DRC11: variants seen among roughly 807,000 people sequenced by gnomAD.
DRC11 encodes the protein dynein regulatory complex subunit 11.
At chr2:236,384,056 A>G in the DRC11 span, among the ~76,000 whole-genome samples, 18 of 152,158 alleles carry the variant, frequency 1.2e-4, no homozygotes, top group South Asian at 2.1e-3. Flanking sequence ...TCTTAATCCA[A>G]TCTATCATTG....
the DRC11 span, among the ~76,000 whole-genome samples, chr2:236,316,740 T>G: frequency 6.6e-6 from 1 of 151,528 alleles, no homozygotes; most frequent in Non-Finnish European, 1.5e-5. This position sits in a 1 kb window ranked among gnomAD's most constrained non-coding sequence, Gnocchi z 6.8. Context: ...CACTCCAGAG[T>G]GGGGACAATG....
the DRC11 span, among the ~76,000 whole-genome samples, chr2:236,445,919 TAGA>T: frequency 6.6e-6 from 1 of 152,302 alleles, no homozygotes; most frequent in South Asian, 2.1e-4. This position sits in a 1 kb window ranked among gnomAD's most constrained non-coding sequence, Gnocchi z 4.8. Flanking sequence ...CGTGGGTGGC[TAGA>T]AGGCCTCTGT....
At chr2:236,314,402 C>A in the DRC11 span, among the ~76,000 whole-genome samples, 41 of 152,236 alleles carry the variant, frequency 2.7e-4, no homozygotes, top group African/African-American at 9.1e-4. The surrounding 1 kb of genome is among the most constrained non-coding windows in gnomAD (Gnocchi z 4.5). Context: ...CTGCTGAAGT[C>A]TGAAACAAGG....
At chr2:236,491,230 T>C in the DRC11 span, among the ~76,000 whole-genome samples, 761 of 67,146 alleles carry the variant, frequency 0.011, 68 homozygotes, top group Non-Finnish European at 0.019. Context: ...TATATATATA[T>C]ATATATATAT....
the DRC11 span, among the ~76,000 whole-genome samples, chr2:236,424,389 T>A: frequency 8.0e-4 from 121 of 152,180 alleles, 1 homozygote; most frequent in Non-Finnish European, 1.4e-3. Context: ...TTAGTTTAAA[T>A]TTTTGAGTAT....
At chr2:236,429,791 G>A in the DRC11 span, among the ~76,000 whole-genome samples, 1 of 152,170 alleles carries the variant, frequency 6.6e-6, no homozygotes, top group East Asian at 1.9e-4. The surrounding 1 kb of genome is among the most constrained non-coding windows in gnomAD (Gnocchi z 5.9). Context: ...GTGGGGGACA[G>A]GTAGGAGACT....
the DRC11 span, chr2:236,367,503 A>G: frequency 2.6e-5 from 4 of 151,736 alleles, no homozygotes; most frequent in African/African-American, 9.7e-5. The surrounding 1 kb of genome is among the most constrained non-coding windows in gnomAD (Gnocchi z 4.8). Flanking sequence ...GGTGATTTCT[A>G]TTTGAGAGTT....
chr2:236,485,206 C>G, the DRC11 span, among the ~76,000 whole-genome samples: 1 of 152,006 alleles, frequency 6.6e-6, no homozygotes, highest in East Asian at 1.9e-4. Context: ...CCTGTGGTCA[C>G]TGTATACTGT....
the DRC11 span, chr2:236,332,739 C>T: frequency 6.6e-6 from 1 of 152,170 alleles, no homozygotes. This position sits in a 1 kb window ranked among gnomAD's most constrained non-coding sequence, Gnocchi z 5.1. Flanking sequence ...AACTATGAAC[C>T]AAGCTGGAGA....
At chr2:236,375,361 C>G in the DRC11 span, among the ~76,000 whole-genome samples, 1 of 152,172 alleles carries the variant, frequency 6.6e-6, no homozygotes, top group South Asian at 2.1e-4. This position sits in a 1 kb window ranked among gnomAD's most constrained non-coding sequence, Gnocchi z 4.2. Flanking sequence ...GTGCCAGGCA[C>G]TGTACTCGGC....
the DRC11 span, among the ~76,000 whole-genome samples, chr2:236,471,650 T>A: frequency 5.9e-5 from 9 of 152,356 alleles, no homozygotes; most frequent in Non-Finnish European, 5.9e-5. This position sits in a 1 kb window ranked among gnomAD's most constrained non-coding sequence, Gnocchi z 4.6. Flanking sequence ...GACAGCAGTT[T>A]CTTTAATGCT....
the DRC11 span, among the ~76,000 whole-genome samples, chr2:236,340,301 T>G: frequency 6.6e-6 from 1 of 152,212 alleles, no homozygotes; most frequent in Non-Finnish European, 1.5e-5. Context: ...ATTTTTGTAT[T>G]TTTAATACAG....
At chr2:236,397,914 T>C in the DRC11 span, among the ~76,000 whole-genome samples, 1 of 152,246 alleles carries the variant, frequency 6.6e-6, no homozygotes, top group Non-Finnish European at 1.5e-5. This position sits in a 1 kb window ranked among gnomAD's most constrained non-coding sequence, Gnocchi z 5.0. Flanking sequence ...ATCTCTGGGC[T>C]AGCACTGCAC....
chr2:236,459,512 C>CGTATACAT, the DRC11 span, among the ~76,000 whole-genome samples: 206 of 89,862 alleles, frequency 2.3e-3, no homozygotes, highest in African/African-American at 7.5e-3. Flanking sequence ...TATACGTATA[C>CGTATACAT]GTATACATGT....
At chr2:236,445,781 G>C in the DRC11 span, among the ~76,000 whole-genome samples, 1 of 152,092 alleles carries the variant, frequency 6.6e-6, no homozygotes. This position sits in a 1 kb window ranked among gnomAD's most constrained non-coding sequence, Gnocchi z 4.8. Context: ...TATAAAATTT[G>C]TATCTAGAAA....
chr2:236,339,409 G>A, the DRC11 span, among the ~76,000 whole-genome samples: 1 of 152,140 alleles, frequency 6.6e-6, no homozygotes, highest in African/African-American at 2.4e-5. Context: ...CAGCAAAAAA[G>A]TTTTTAATTT....
chr2:236,404,086 G>T, the DRC11 span, among the ~76,000 whole-genome samples: 1 of 147,002 alleles, frequency 6.8e-6, no homozygotes, highest in African/African-American at 2.5e-5. Context: ...GAGTTCTGAT[G>T]CTCTCTTCCT....
the DRC11 span, among the ~76,000 whole-genome samples, chr2:236,364,278 C>T: frequency 5.7e-3 from 842 of 148,678 alleles, 9 homozygotes; most frequent in African/African-American, 0.02. Flanking sequence ...AGCATTCCTG[C>T]AATAGCTTAC....
At chr2:236,457,276 C>T in the DRC11 span, among the ~76,000 whole-genome samples, 103 of 151,762 alleles carry the variant, frequency 6.8e-4, no homozygotes, top group African/African-American at 2.4e-3. This position sits in a 1 kb window ranked among gnomAD's most constrained non-coding sequence, Gnocchi z 4.7. Context: ...ATTAAAAATT[C>T]AGATCCTCAG....
Sources: allele counts gnomAD v4.1 joint callset (sites outside exome capture counted in the v4.1 genomes callset), GRCh38; gene constraint gnomAD v4.1.1; non-coding constraint Gnocchi (gnomAD v3.1); transcripts MANE v1.5; gene names NCBI Gene and HGNC (gene_info 2026-07-23, HGNC 2026-07-21).